The following WBP11 variants were observed in gnomAD, a reference collection of about 807,000 sequenced individuals.
WBP11 encodes the protein WW domain binding protein 11.
A neutral mutation model predicts 66.7 loss-of-function variants in WBP11; 12 were observed. That is an observed-to-expected ratio of 0.18 (90% CI 0.12 to 0.29). WBP11 has a LOEUF of 0.29. Ranked by LOEUF, WBP11 falls within the 10% of genes least tolerant of loss-of-function variation. WBP11 has a pLI of 1.00. For missense variants in WBP11, 555 were observed against 818.3 expected (o/e 0.68, Z 3.93); for synonymous variants, 255 against 273.8 (o/e 0.93, Z 0.68).
intron 6 of WBP11, 116 bp from the exon 7 acceptor site, chr12:14,794,852 C>A: frequency 1.3e-6 from 2 of 1,550,758 alleles, no homozygotes; most frequent in South Asian, 2.4e-5. Flanking sequence ...TACATTTAAT[C>A]AAATGTCACA....
At chr12:14,801,469 A>C in intron 1 of WBP11, 41 bp from the exon 2 acceptor site, 2 of 1,326,574 alleles carry the variant, frequency 1.5e-6, no homozygotes, top group East Asian at 2.3e-5. Flanking sequence ...TATCTCCTAA[A>C]TGTATTTCTT....
Position 14,787,184 on chromosome 12 carries a change from C to T in WBP11, c.1807G>A (p.Asp603Asn), listed in dbSNP as rs776474085. 3.7e-6 allele frequency: 6 copies of T among 1,613,836 alleles called. No individual in the cohort carries two copies. The Admixed American group carries it at 1.0e-4, about 27-fold the overall frequency. The stretch of plus-strand genomic sequence containing the variant: ...GCTTTGGCAAGAGGCACAGCAGAAT[C>T]ATCCTCTGACTTTCTTTGGGGAGCA... ...TAAPQRKSED[D>N]SAVPLAKAAP... The change falls in exon 12 of 12, where the codon GAT (aspartate) becomes AAT (asparagine). Residue 603 changes from aspartate (D) to asparagine (N), a missense_variant. Coordinates refer to ENST00000261167, the MANE Select transcript of WBP11 (RefSeq NM_016312.3).
In WBP11 at chr12:14,790,702, C is replaced by T. The variant is rs1422086692; in HGVS notation, c.1063G>A (p.Asp355Asn). The T allele has an allele frequency of 1.2e-6, 2 of 1,614,210 alleles. No individual in the cohort carries two copies. Among genetic ancestry groups the T allele is most frequent in the Non-Finnish European group, 1.7e-6 (2 of 1,180,040 alleles). Reference protein sequence around the residue: ...EGREVEEFSEDDDEDDSDDSE... With the variant: ...EGREVEEFSENDDEDDSDDSE... ...TCATCAGAATCATCTTCATCATCGT[C>T]CTCTGAAAATTCCTCTACTTCCCGT... Residue 355 changes from aspartate (D) to asparagine (N), a missense_variant, in exon 10 of 12, where the codon GAC becomes AAC. By Grantham distance (23) the Asp-to-Asn change is conservative. This residue lies in a region of WBP11 where 230 missense variants were observed against 286.3 expected (regional missense o/e 0.80). Coordinates refer to ENST00000261167, the MANE Select transcript of WBP11 (RefSeq NM_016312.3).
intron 11 of WBP11, 73 bp from the exon 12 acceptor site, chr12:14,787,571 A>T: frequency 7.5e-7 from 1 of 1,326,218 alleles, no homozygotes; most frequent in Non-Finnish European, 9.8e-7. Flanking sequence ...GGACATTTAA[A>T]TATTGGTTGC....
intron 3 of WBP11, among the ~76,000 whole-genome samples, chr12:14,800,217 C>T (rs769292031): frequency 3.9e-5 from 6 of 152,012 alleles, no homozygotes; most frequent in Non-Finnish European, 8.8e-5. Context: ...TACTATAATA[C>T]TATAAAGCAC....
intron 2 of WBP11, 141 bp from the exon 3 acceptor site, chr12:14,800,924 C>T (rs776906202): frequency 6.2e-6 from 4 of 640,122 alleles, no homozygotes; most frequent in African/African-American, 1.9e-5. Context: ...ATTCTCTCCA[C>T]TACATGCCAA....
intron 8 of WBP11, among the ~76,000 whole-genome samples, chr12:14,792,601 G>T (rs928193725): frequency 1.3e-5 from 2 of 152,098 alleles, no homozygotes; most frequent in Non-Finnish European, 2.9e-5. Context: ...GGGAGGCCGA[G>T]GGGGGCAGAT....
At position 14,790,754 on chromosome 12, in the gene WBP11, A is replaced by C. The variant is rs771475483; in HGVS notation, c.1016-5T>G. 6.2e-7 allele frequency: 1 copy of C among 1,609,024 alleles called. No homozygotes were observed. Among genetic ancestry groups the C allele is most frequent in the Non-Finnish European group, 8.5e-7 (1 of 1,177,262 alleles). On this transcript the variant is annotated splice_region_variant and splice_polypyrimidine_tract_variant and intron_variant, in intron 9 of 11. Transcript: ENST00000261167. ...CCTCCTCAGGGATTTCTTGACCTGA[A>C]AGAAATTTTAAACCCAGTAAATGGA...
At chr12:14,791,037 A>G in intron 9 of WBP11, 132 bp downstream of exon 9, 2 of 943,514 alleles carry the variant, frequency 2.1e-6, no homozygotes, top group Non-Finnish European at 3.1e-6. Context: ...AATGGTTCCA[A>G]ACCTTATTTT....
At chr12:14,802,703 A>AG (rs994492503) in intron 1 of WBP11, among the ~76,000 whole-genome samples, 4 of 104,732 alleles carry the variant, frequency 3.8e-5, no homozygotes, top group Admixed American at 1.1e-4. Context: ...TGGGGGGGTT[A>AG]GGGGGGTGGG....
rs1041154652 is a variant in WBP11 at position 14,801,645 on chromosome 12, T to C, written c.-45-217A>G. Among the ~76,000 whole-genome samples, 18 of 152,204 alleles carry C rather than the reference T, an allele frequency of 1.2e-4. 1 individual carries two copies. Among genetic ancestry groups the C allele is most frequent in the Admixed American group, 1.0e-3 (16 of 15,282 alleles). On this transcript the variant is annotated intron_variant, in intron 1 of 11. Coordinates refer to ENST00000261167, the MANE Select transcript of WBP11 (RefSeq NM_016312.3). ...TCATTCTTCAGAAATGTGATGAGTG[T>C]GAAGACCACTTTGAATATCCTCAAG...
At chr12:14,794,767 C>G (rs777591873) in intron 6 of WBP11, 31 bp from the exon 7 acceptor site, 1 of 1,531,566 alleles carries the variant, frequency 6.5e-7, no homozygotes, top group African/African-American at 1.4e-5. Flanking sequence ...AACAAAAAAA[C>G]CCCCACAGTA....
At position 14,787,422 on chromosome 12, in the gene WBP11, G is replaced by A. The variant is rs1336153567; in HGVS notation, c.1569C>T (p.Phe523=). The change falls in exon 12 of 12, where the codon TTC becomes TTT. Residue 523 remains phenylalanine, a synonymous_variant. Transcript: ENST00000261167. ...PPLGPAPPGL[F]PPAPLPNPGV... is the part of the protein sequence containing the mutation. ...CAGGGTTTGGCAAGGGAGCTGGTGG[G>A]AACAGCCCAGGGGGGGCAGGTCCAA... The A allele has an allele frequency of 7.7e-6, 12 of 1,566,868 alleles. No homozygotes were observed. The highest frequency in any genetic ancestry group is 9.5e-6 in the Non-Finnish European group (11 of 1,153,828).
At position 14,793,925 on chromosome 12, in the gene WBP11, G is replaced by A. The variant is rs756232678; in HGVS notation, c.722-3C>T. 1.8e-5 allele frequency: 29 copies of A among 1,593,452 alleles called. No homozygotes were observed. The Admixed American group carries it at 4.6e-4, about 25-fold the overall frequency. On this transcript the variant is annotated splice_polypyrimidine_tract_variant and splice_region_variant and intron_variant, in intron 7 of 11. Coordinates refer to ENST00000261167, the MANE Select transcript of WBP11 (RefSeq NM_016312.3). The stretch of plus-strand genomic sequence containing the variant: ...ATCATCATCATGACCTCGCTGGGCT[G>A]AAAAGTGGGAAGGGAACATGGAGAA...
At chr12:14,792,035 A>G (rs1949827201) in intron 8 of WBP11, among the ~76,000 whole-genome samples, 1 of 152,160 alleles carries the variant, frequency 6.6e-6, no homozygotes, top group Non-Finnish European at 1.5e-5. Flanking sequence ...GGTACAGTAT[A>G]TACACTACTT....
chr12:14,796,807 C>T lies in WBP11; in HGVS notation c.387G>A (p.Lys129=). Residue 129 remains lysine (K), a splice_region_variant and synonymous_variant, in exon 5 of 12, where the codon AAG becomes AAA. Coordinates refer to ENST00000261167, the MANE Select transcript of WBP11 (RefSeq NM_016312.3). The surrounding 1 kb of genome is among the most constrained non-coding windows in gnomAD (Gnocchi z 4.5). ...AQLSQYFDAV[K]NAQHVEVESI... Reference sequence around the variant, plus strand: ...CTCTCAAAAAAAAAACCTTGATTACCTTGACAGCATCAAAATATTGGCTAA... The same window carrying T: ...CTCTCAAAAAAAAAACCTTGATTACTTTGACAGCATCAAAATATTGGCTAA... The T allele has an allele frequency of 6.3e-7, 1 of 1,587,844 alleles. No homozygotes were observed. The highest frequency in any genetic ancestry group is 1.2e-5 in the South Asian group (1 of 84,442).
In WBP11 at chr12:14,787,125, T is replaced by A. The variant is rs547373281; in HGVS notation, c.1866A>T (p.Ser622=). Residue 622 remains serine, a synonymous_variant, in exon 12 of 12, where the codon TCA becomes TCT. Coordinates refer to ENST00000261167, the MANE Select transcript of WBP11 (RefSeq NM_016312.3). The part of the protein sequence containing the change: ...APKSGPSVPV[S]VQTKDDVYEA... Reference sequence around the variant, plus strand: ...CATAGACATCATCCTTAGTTTGTACTGAGACAGGAACAGAAGGACCAGATT... The same window carrying A: ...CATAGACATCATCCTTAGTTTGTACAGAGACAGGAACAGAAGGACCAGATT... 6.2e-7 allele frequency: 1 copy of A among 1,613,702 alleles called. No individual in the cohort carries two copies. Among genetic ancestry groups the A allele is most frequent in the Non-Finnish European group, 8.5e-7 (1 of 1,179,932 alleles).
intron 10 of WBP11, 28 bp from the exon 11 acceptor site, chr12:14,789,161 G>A (rs1254891640): frequency 1.3e-6 from 2 of 1,515,756 alleles, no homozygotes; most frequent in Non-Finnish European, 1.8e-6. Flanking sequence ...ATAAATTAAT[G>A]TCACACAAAT....
In WBP11 at chr12:14,789,021, TGGACCTGGGGGA is replaced by T; in HGVS notation, c.1410_1421del (p.Pro474_Gly477del). 6.7e-7 allele frequency: 1 copy of T among 1,484,002 alleles called. No individual in the cohort carries two copies. The allele number at this position is 1,484,002 out of a possible 1,614,324, so 91.9% of individuals were successfully genotyped here. On this transcript the variant is annotated inframe_deletion, in exon 11 of 12. Coordinates refer to ENST00000261167, the MANE Select transcript of WBP11 (RefSeq NM_016312.3). ...GGGGACCAGGAGGCAGACCTGGAGG[TGGACCTGGGGGA>T]GGGCCAGGGGGTCGGCCTGGTGGTG...
Sources: gnomAD v4.1 joint callset for allele counts (sites outside exome capture counted in the v4.1 genomes callset) on GRCh38, gnomAD v4.1.1 for gene constraint, gnomAD v4.1.1 regional missense constraint, Gnocchi (gnomAD v3.1) non-coding constraint, MANE v1.5 for transcripts, NCBI Gene and HGNC (gene_info 2026-07-23, HGNC 2026-07-21) for gene names.